Variants in USP22 observed in about 807,000 individuals in gnomAD.
USP22 encodes the protein ubiquitin carboxyl-terminal hydrolase 22.
USP22 carries 22 observed loss-of-function variants against 68.1 expected under a neutral mutation model. The observed-to-expected ratio is 0.32, with a 90% confidence interval of 0.23 to 0.46. USP22 has a LOEUF of 0.46. USP22 is among the 20% of genes least tolerant of loss of function. The probability of loss-of-function intolerance (pLI) is 1.00; values close to 1 mark genes in which losing one functional copy is unlikely to be tolerated. For synonymous variants in USP22, 279 were observed against 274.2 expected, an observed-to-expected ratio of 1.02 and a Z score of -0.17; for missense variants, 433 against 695.8, an observed-to-expected ratio of 0.62 and a Z score of 4.25.
At chr17:21,017,312 C>T (rs1434040842) in intron 5 of USP22, among the ~76,000 whole-genome samples, 1 of 152,220 alleles carries the variant, frequency 6.6e-6, no homozygotes, top group East Asian at 1.9e-4. Context: ...GAAGAACAGG[C>T]ACCAGCCTGC....
At chr17:21,033,519 C>G (rs1340900534) in intron 1 of USP22, among the ~76,000 whole-genome samples, 2 of 152,088 alleles carry the variant, frequency 1.3e-5, no homozygotes, top group South Asian at 4.1e-4. Context: ...TTGTAGTCAA[C>G]CAGACTTACC....
At chr17:21,029,652 T>C (rs1431247875) in intron 1 of USP22, among the ~76,000 whole-genome samples, 2 of 152,208 alleles carry the variant, frequency 1.3e-5, no homozygotes, top group Non-Finnish European at 2.9e-5. Context: ...CATCAACAGA[T>C]GAGTGGATGA....
chr17:21,003,180 G>A (rs912104889), intron 12 of USP22, 107 bp from the exon 13 acceptor site: 38 of 1,355,934 alleles, frequency 2.8e-5, no homozygotes, highest in South Asian at 1.8e-4. Flanking sequence ...TGCACAGGTC[G>A]GCCAGGCCCG....
intron 2 of USP22, among the ~76,000 whole-genome samples, chr17:21,024,813 A>C (rs1366027871): frequency 6.6e-6 from 1 of 152,162 alleles, no homozygotes; most frequent in Admixed American, 6.5e-5. Flanking sequence ...CACAAAGTAC[A>C]AAAAATCAGC....
chr17:21,042,021 G>A (rs1020765192), intron 1 of USP22, among the ~76,000 whole-genome samples: 16 of 152,194 alleles, frequency 1.1e-4, no homozygotes, highest in Non-Finnish European at 2.2e-4. Context: ...CAGCCGCGAA[G>A]CTCCGGCCCC....
At chr17:21,008,621 A>C (rs528064187) in intron 8 of USP22, among the ~76,000 whole-genome samples, 25 of 152,250 alleles carry the variant, frequency 1.6e-4, no homozygotes, top group African/African-American at 5.8e-4. Flanking sequence ...GTGGTGAGGG[A>C]GGAGGCACTG....
At chr17:21,009,377 G>A (rs1029528183) in intron 8 of USP22, among the ~76,000 whole-genome samples, 5 of 152,166 alleles carry the variant, frequency 3.3e-5, no homozygotes, top group Admixed American at 6.5e-5. Context: ...GGGCCTCTGG[G>A]CAAAGCTGCA....
At chr17:21,033,160 T>G (rs1214605480) in intron 1 of USP22, among the ~76,000 whole-genome samples, 1 of 152,054 alleles carries the variant, frequency 6.6e-6, no homozygotes, top group East Asian at 1.9e-4. Flanking sequence ...AGAGGCAGGA[T>G]TCCCCAGGCT....
chr17:21,041,165 C>G (rs1189575267), intron 1 of USP22, among the ~76,000 whole-genome samples: 1 of 151,962 alleles, frequency 6.6e-6, no homozygotes, highest in African/African-American at 2.4e-5. Flanking sequence ...TTACAGGCGT[C>G]AGCCACCGCG....
chr17:21,042,761 G>A lies in USP22; in HGVS notation c.75C>T (p.His25=), dbSNP rs1197207908. The change falls in exon 1 of 13, where the codon CAC becomes CAT. Residue 25 remains histidine (H), a synonymous_variant. Coordinates refer to ENST00000261497, the MANE Select transcript of USP22 (RefSeq NM_015276.2). ...ELAVAPPGCS[H]LGSFKVDNWK... Reference sequence around the variant, plus strand: ...AGTTGTCCACCTTGAAGCTGCCCAGGTGCGAGCAGCCCGGCGGCGCTACCG... The same window carrying A: ...AGTTGTCCACCTTGAAGCTGCCCAGATGCGAGCAGCCCGGCGGCGCTACCG... 3 of 1,498,718 alleles carry A rather than the reference G, an allele frequency of 2.0e-6. No homozygotes were observed. In the Admixed American group the frequency reaches 6.0e-5, roughly 30 times the overall value. 92.8% of individuals were successfully genotyped at this position (1,498,718 alleles called of 1,614,324 possible).
At position 21,004,785 on chromosome 17, in the gene USP22, AGCC is replaced by A; in HGVS notation, c.1385+140_1385+142del. 6.9e-4 allele frequency: 59 copies of A among 84,948 alleles called. 23 individuals carry two copies. Among genetic ancestry groups the A allele is most frequent in the South Asian group, 4.9e-3 (10 of 2,040 alleles). The allele number at this position is 84,948 out of a possible 1,614,324, so 5.3% of individuals were successfully genotyped here. On this transcript the variant is annotated intron_variant, in intron 11 of 12. Coordinates refer to ENST00000261497, the MANE Select transcript of USP22 (RefSeq NM_015276.2). ...GGCCTTTCCTAGTGGAGCTGCGGGC[AGCC>A]AATAGTGGAGCTGCGGGCAGCCAAG...
At chr17:21,034,528 C>A (rs1258878108) in intron 1 of USP22, among the ~76,000 whole-genome samples, 1 of 152,166 alleles carries the variant, frequency 6.6e-6, no homozygotes, top group Non-Finnish European at 1.5e-5. Flanking sequence ...AATTCATAAG[C>A]TTTAAACTGC....
rs770381253 is a variant in USP22 at position 21,004,892 on chromosome 17, A to G, written c.1385+36T>C. 1.9e-6 allele frequency: 3 copies of G among 1,611,782 alleles called. No homozygotes were observed. In the African/African-American group the frequency reaches 4.0e-5, roughly 22 times the overall value. On this transcript the variant is annotated intron_variant, in intron 11 of 12. Coordinates refer to ENST00000261497, the MANE Select transcript of USP22 (RefSeq NM_015276.2). ...GAGCCCACCCCCAGCTCTTGGCCAG[A>G]GGCCCTGGACACCCACACCGCTAAG...
intron 1 of USP22, among the ~76,000 whole-genome samples, chr17:21,036,030 CAAAAAAAAAA>C (rs35324126): frequency 1.7e-5 from 1 of 59,638 alleles, no homozygotes; most frequent in South Asian, 6.1e-4. Context: ...GACTCCGTCT[CAAAAAAAAAA>C]AAAAAAAAAA....
chr17:21,013,162 G>A (rs1914021134), intron 6 of USP22, among the ~76,000 whole-genome samples: 2 of 152,146 alleles, frequency 1.3e-5, no homozygotes, highest in African/African-American at 4.8e-5. Flanking sequence ...CCTAACAAGA[G>A]CCCCACAGCT....
chr17:21,029,234 C>T (rs1972259300), intron 1 of USP22, among the ~76,000 whole-genome samples: 1 of 152,152 alleles, frequency 6.6e-6, no homozygotes, highest in Non-Finnish European at 1.5e-5. Flanking sequence ...CGTTACACCC[C>T]CAACCACCCA....
rs114367656 is a variant in USP22 at position 21,036,487 on chromosome 17, G to A, written c.171+6178C>T. Reference sequence around the variant, plus strand: ...ATGAGGAGGGAGTGTAAGACTAAAAGCAAAAGGAACTGTAACTGAGCACTG... The same window carrying A: ...ATGAGGAGGGAGTGTAAGACTAAAAACAAAAGGAACTGTAACTGAGCACTG... On this transcript the variant is annotated intron_variant, in intron 1 of 12. Coordinates refer to ENST00000261497, the MANE Select transcript of USP22 (RefSeq NM_015276.2). Among the ~76,000 whole-genome samples the A allele has an allele frequency of 5.0e-3, 605 of 120,700 alleles. 6 individuals carry two copies. The highest frequency in any genetic ancestry group is 0.018 in the African/African-American group (574 of 32,258). 79.2% of individuals were successfully genotyped at this position (120,700 alleles called of 152,430 possible).
At position 21,000,546 on chromosome 17, in the gene USP22, G is replaced by C. The variant is rs1489735605; in HGVS notation, c.*2485C>G. 2 of 152,270 alleles carry C rather than the reference G, an allele frequency of 1.3e-5. No individual in the cohort carries two copies. Among genetic ancestry groups the C allele is most frequent in the African/African-American group, 4.8e-5 (2 of 41,456 alleles). 9.4% of individuals were successfully genotyped at this position (152,270 alleles called of 1,614,324 possible). ...CTCAGAACAGCAGCCACCCCTGAAT[G>C]CAAGTGGAGACAGGAAGGGGACTAG... On this transcript the variant is annotated 3_prime_UTR_variant, in exon 13 of 13. Transcript: ENST00000261497.
At chr17:21,015,723 T>A (rs760611837) in intron 6 of USP22, 29 bp downstream of exon 6, 76 of 1,591,212 alleles carry the variant, frequency 4.8e-5, no homozygotes, top group Non-Finnish European at 8.6e-7. Context: ...CATCCTGCCC[T>A]GGTGGAGGGT....
Sources: gnomAD v4.1 joint callset for allele counts (sites outside exome capture counted in the v4.1 genomes callset) on GRCh38, gnomAD v4.1.1 for gene constraint, MANE v1.5 for transcripts, NCBI Gene and HGNC (gene_info 2026-07-23, HGNC 2026-07-21) for gene names.